FLRT2: variants seen among roughly 807,000 people sequenced by gnomAD.
The protein encoded by FLRT2 is fibronectin leucine rich transmembrane protein 2.
FLRT2 carries 15 observed loss-of-function variants against 40.0 expected under a neutral mutation model. The observed-to-expected ratio is 0.38, with a 90% CI of 0.25 to 0.58. The LOEUF is 0.58. Among genes scored for constraint, FLRT2 ranks in the 20% least tolerant of loss-of-function variants. FLRT2 has a pLI of 0.71. For missense variants in FLRT2, 726 were observed against 840.0 expected (o/e 0.86, Z 1.68); for synonymous variants, 380 against 336.8 (o/e 1.13, Z -1.41).
chr14:85,577,756 T>A (rs1024375444), intron 1 of FLRT2, among the ~76,000 whole-genome samples: 1 of 151,834 alleles, frequency 6.6e-6, no homozygotes, highest in African/African-American at 2.4e-5. Flanking sequence ...CTGGCTAAGG[T>A]TTTTTGTAGA....
chr14:85,599,535 TG>T (rs2139330906), intron 1 of FLRT2, among the ~76,000 whole-genome samples: 1 of 152,306 alleles, frequency 6.6e-6, no homozygotes, highest in Admixed American at 6.5e-5. Flanking sequence ...CATTGAACAC[TG>T]GTTTCTCTAA....
intron 1 of FLRT2, among the ~76,000 whole-genome samples, chr14:85,616,435 A>T (rs965735734): frequency 6.6e-6 from 1 of 152,180 alleles, no homozygotes; most frequent in Non-Finnish European, 1.5e-5. Context: ...TTGAAACATG[A>T]GTTCGTTTAA....
In FLRT2 at chr14:85,634,726, G is replaced by T. The variant is rs1388427306; in HGVS notation, c.*11229G>T. 1 of 152,130 alleles carries T rather than the reference G, an allele frequency of 6.6e-6. No homozygotes were observed. The highest frequency in any genetic ancestry group is 1.5e-5 in the Non-Finnish European group (1 of 68,018). The allele number at this position is 152,130 out of a possible 1,614,324, so 9.4% of individuals were successfully genotyped here. A position where few individuals can be genotyped will look rare whatever the true frequency, so the allele number is the denominator to read the frequency against. ...CACTCACCTCAACAGTAACCATACT[G>T]CACAGTGCCTGACACATATAAAGTG... On this transcript the variant is annotated 3_prime_UTR_variant, in exon 2 of 2. Transcript: ENST00000330753.
In FLRT2 at chr14:85,642,300, A is replaced by G. The variant is rs1894168350; in HGVS notation, c.*18803A>G. ...CCCAGAGCATTATAATGGGAATGTT[A>G]GGTAGGTTTAAATTATTCTGACTAT... On this transcript the variant is annotated 3_prime_UTR_variant, in exon 2 of 2. Transcript: ENST00000330753. The G allele has an allele frequency of 6.6e-6, 1 of 152,170 alleles. No individual in the cohort carries two copies. Among genetic ancestry groups the G allele is most frequent in the Non-Finnish European group, 1.5e-5 (1 of 68,030 alleles). 9.4% of individuals were successfully genotyped at this position (152,170 alleles called of 1,614,324 possible). A position where few individuals can be genotyped will look rare whatever the true frequency, so the allele number is the denominator to read the frequency against.
At chr14:85,585,020 G>A (rs1261494285) in intron 1 of FLRT2, among the ~76,000 whole-genome samples, 1 of 152,080 alleles carries the variant, frequency 6.6e-6, no homozygotes, top group Admixed American at 6.5e-5. Context: ...GTGGCATGAG[G>A]AAAGGATATT....
chr14:85,610,849 A>T (rs1566755025), intron 1 of FLRT2, among the ~76,000 whole-genome samples: 1 of 152,114 alleles, frequency 6.6e-6, no homozygotes, highest in Non-Finnish European at 1.5e-5. Flanking sequence ...TTCCTTCATG[A>T]CGTTGCTTAC....
intron 1 of FLRT2, among the ~76,000 whole-genome samples, chr14:85,578,384 G>T (rs1432898514): frequency 6.6e-6 from 1 of 151,910 alleles, no homozygotes; most frequent in African/African-American, 2.4e-5. Flanking sequence ...ACTAGGCAGT[G>T]TAAAAGCATA....
rs191003979 is a variant in FLRT2, at chr14:85,548,738, G to C, written c.-377+18204G>C. ...ACAAACAGGAAGCAGGGAAATACTG[G>C]GTAGAAGAAGTGTGGTCCCTGGCGA... On this transcript the variant is annotated intron_variant, in intron 1 of 1. Transcript: ENST00000330753. 6.1e-4 allele frequency among the ~76,000 whole-genome samples: 25 copies of C among 41,200 alleles called. No homozygotes were observed. The East Asian group carries it at 0.01, about 17-fold the overall frequency. The allele number at this position is 41,200 out of a possible 152,430, so 27.0% of individuals were successfully genotyped here. A position where few individuals can be genotyped will look rare whatever the true frequency, so the allele number is the denominator to read the frequency against.
chr14:85,555,262 T>G (rs1889877744), intron 1 of FLRT2, among the ~76,000 whole-genome samples: 2 of 152,208 alleles, frequency 1.3e-5, no homozygotes, highest in Admixed American at 6.5e-5. Flanking sequence ...CATAGATTCC[T>G]AGAAGATGTT....
chr14:85,543,579 T>G, intron 1 of FLRT2, among the ~76,000 whole-genome samples: 1 of 152,052 alleles, frequency 6.6e-6, no homozygotes, highest in East Asian at 1.9e-4. Flanking sequence ...ACCTATATCT[T>G]TGGATAAAGC....
intron 1 of FLRT2, among the ~76,000 whole-genome samples, chr14:85,531,834 C>A (rs1426558367): frequency 6.6e-6 from 1 of 152,178 alleles, no homozygotes; most frequent in Non-Finnish European, 1.5e-5. Context: ...ACAGGAACAG[C>A]GACCCGCGCG....
chr14:85,565,830 G>T (rs1890591577), intron 1 of FLRT2, among the ~76,000 whole-genome samples: 1 of 152,156 alleles, frequency 6.6e-6, no homozygotes, highest in African/African-American at 2.4e-5. Context: ...CTTGGAACCT[G>T]AAATGGAATT....
intron 1 of FLRT2, among the ~76,000 whole-genome samples, chr14:85,582,190 C>A (rs570216287): frequency 1.7e-3 from 255 of 152,208 alleles, no homozygotes; most frequent in African/African-American, 5.9e-3. Flanking sequence ...TGATAGAATT[C>A]TGTTGAGTAG....
intron 1 of FLRT2, among the ~76,000 whole-genome samples, chr14:85,578,560 G>A (rs1254724147): frequency 6.6e-6 from 1 of 152,122 alleles, no homozygotes; most frequent in Non-Finnish European, 1.5e-5. Context: ...GCACAGGGAA[G>A]GAGGACAGGC....
intron 1 of FLRT2, among the ~76,000 whole-genome samples, chr14:85,530,988 C>A (rs746180223): frequency 1.5e-4 from 23 of 152,168 alleles, no homozygotes; most frequent in Admixed American, 3.9e-4. Flanking sequence ...AGACACCAAC[C>A]TACTACCTGC....
chr14:85,615,345 A>T (rs1235414940), intron 1 of FLRT2, among the ~76,000 whole-genome samples: 1 of 152,196 alleles, frequency 6.6e-6, no homozygotes, highest in Non-Finnish European at 1.5e-5. Context: ...AACGCTTCAA[A>T]TGTATTAGAA....
intron 1 of FLRT2, among the ~76,000 whole-genome samples, chr14:85,602,211 A>G (rs1170524294): frequency 1.3e-5 from 2 of 152,210 alleles, no homozygotes; most frequent in Non-Finnish European, 2.9e-5. Context: ...ATGCATGTAT[A>G]TTACACAAAA....
chr14:85,602,052 C>T (rs1215247671), intron 1 of FLRT2, among the ~76,000 whole-genome samples: 2 of 152,028 alleles, frequency 1.3e-5, no homozygotes, highest in African/African-American at 2.4e-5. Flanking sequence ...CATATCTAAG[C>T]CTGTGAATAC....
At chr14:85,616,868 G>C (rs932729214) in intron 1 of FLRT2, among the ~76,000 whole-genome samples, 1 of 152,132 alleles carries the variant, frequency 6.6e-6, no homozygotes. Context: ...TGCTCAATAA[G>C]TATTGGTTCA....
Sources: allele counts gnomAD v4.1 joint callset (sites outside exome capture counted in the v4.1 genomes callset), GRCh38; gene constraint gnomAD v4.1.1; transcripts MANE v1.5; gene names NCBI Gene and HGNC (gene_info 2026-07-23, HGNC 2026-07-21).